FAM107B: variants seen among roughly 807,000 people sequenced by gnomAD.
FAM107B encodes protein FAM107B.
FAM107B carries 21 observed loss-of-function variants against 31.5 expected under a neutral mutation model. That is an observed-to-expected ratio of 0.67 (90% CI 0.47 to 0.96). The LOEUF is 0.96. Ranked by LOEUF, FAM107B falls within the 40% of genes least tolerant of loss-of-function variation. FAM107B has a pLI of 0.00. For synonymous variants in FAM107B, 157 were observed against 141.5 expected, an observed-to-expected ratio of 1.11 and a Z score of -0.78; for missense variants, 452 against 377.1, an observed-to-expected ratio of 1.20 and a Z score of -1.64.
chr10:14,671,926 A>T (rs928516344), intron 1 of FAM107B, among the ~76,000 whole-genome samples: 8 of 151,302 alleles, frequency 5.3e-5, no homozygotes, highest in African/African-American at 1.9e-4. Flanking sequence ...TTTTAAATCA[A>T]ACTGATTCCT....
intron 1 of FAM107B, among the ~76,000 whole-genome samples, chr10:14,674,951 G>C (rs114959440): frequency 0.034 from 5,171 of 152,016 alleles, 278 homozygotes; most frequent in African/African-American, 0.12. Flanking sequence ...GTTGTGCTCC[G>C]AAAGTGCTGG....
chr10:14,525,108 T>C (rs1846080019), intron 3 of FAM107B, among the ~76,000 whole-genome samples: 1 of 152,206 alleles, frequency 6.6e-6, no homozygotes, highest in Non-Finnish European at 1.5e-5. Flanking sequence ...ATGCAAAAAG[T>C]CAAGCATTGC....
chr10:14,712,492 G>A (rs765657744), intron 1 of FAM107B, among the ~76,000 whole-genome samples: 2 of 151,350 alleles, frequency 1.3e-5, no homozygotes, highest in Non-Finnish European at 2.9e-5. Context: ...TACTAGGGAG[G>A]CTGAGGCAGG....
At chr10:14,713,551 T>C (rs561406021) in intron 1 of FAM107B, among the ~76,000 whole-genome samples, 113 of 152,274 alleles carry the variant, frequency 7.4e-4, no homozygotes, top group African/African-American at 2.6e-3. Flanking sequence ...CTTTTCCCTA[T>C]TGTGCACCAA....
chr10:14,567,891 C>T (rs868408620), intron 2 of FAM107B, among the ~76,000 whole-genome samples: 12 of 152,148 alleles, frequency 7.9e-5, no homozygotes, highest in African/African-American at 2.2e-4. Flanking sequence ...GAAAGTCCTG[C>T]GTCCTGTGAA....
At chr10:14,584,763 C>A (rs961478466) in intron 2 of FAM107B, among the ~76,000 whole-genome samples, 1 of 152,142 alleles carries the variant, frequency 6.6e-6, no homozygotes, top group Non-Finnish European at 1.5e-5. Context: ...AACAAAAGGA[C>A]CGGAGGCCAC....
intron 2 of FAM107B, among the ~76,000 whole-genome samples, chr10:14,617,068 G>A (rs116819281): frequency 3.5e-4 from 54 of 152,162 alleles, no homozygotes; most frequent in African/African-American, 1.1e-3. Context: ...AAAGAGAACC[G>A]AGAGGAAGAG....
At position 14,774,793 on chromosome 10, in the gene FAM107B, T is replaced by A; in HGVS notation, c.-130A>T. ...AGAAGAACTTGCTAGTGGTTGCCCC[T>A]AAATAGAAGTTGGGATGGCAAGGCC... On this transcript the variant is annotated 5_prime_UTR_variant, in exon 1 of 5. Transcript: ENST00000181796. 2 of 1,080,354 alleles carry A rather than the reference T, an allele frequency of 1.9e-6. No homozygotes were observed. Among genetic ancestry groups the A allele is most frequent in the Non-Finnish European group, 2.6e-6 (2 of 768,776 alleles). 66.9% of individuals were successfully genotyped at this position (1,080,354 alleles called of 1,614,324 possible).
intron 2 of FAM107B, among the ~76,000 whole-genome samples, chr10:14,626,497 A>AT: frequency 1.0e-5 from 1 of 100,470 alleles, no homozygotes; most frequent in Non-Finnish European, 2.0e-5. Context: ...TTTGAGGCGG[A>AT]TCTTTTTTTT....
In FAM107B at chr10:14,555,419, T is replaced by C. The variant is rs551362135; in HGVS notation, c.470-24904A>G. On this transcript the variant is annotated intron_variant, in intron 2 of 4. Transcript: ENST00000181796. ...TTTTAATTAAGTAGTGATGACATTATGAACTTGGAATCATACTCCCACTGA... is the reference window on the plus strand; with the variant it reads ...TTTTAATTAAGTAGTGATGACATTACGAACTTGGAATCATACTCCCACTGA... Among the ~76,000 whole-genome samples, 40 of 152,350 alleles carry C rather than the reference T, an allele frequency of 2.6e-4. 1 individual carries two copies. The highest frequency in any genetic ancestry group is 1.4e-3 in the South Asian group (7 of 4,830).
intron 2 of FAM107B, among the ~76,000 whole-genome samples, chr10:14,543,630 A>T (rs984627931): frequency 1.7e-4 from 26 of 152,026 alleles, no homozygotes; most frequent in Non-Finnish European, 3.2e-4. Context: ...GCACTTCCAG[A>T]AAAAAGAAAC....
chr10:14,637,053 G>A (rs10906723), intron 2 of FAM107B, among the ~76,000 whole-genome samples: 131,674 of 152,168 alleles, frequency 0.87, 57,283 homozygotes, highest in East Asian at 0.95. Context: ...CATGCACTGT[G>A]TAAGCTGTGA....
intron 2 of FAM107B, among the ~76,000 whole-genome samples, chr10:14,634,608 A>G (rs890250928): frequency 6.6e-6 from 1 of 152,136 alleles, no homozygotes; most frequent in Non-Finnish European, 1.5e-5. Flanking sequence ...AAAAAAGAAA[A>G]AAAACCCCAA....
chr10:14,691,327 T>C (rs1355102481), intron 1 of FAM107B, among the ~76,000 whole-genome samples: 2 of 152,164 alleles, frequency 1.3e-5, no homozygotes, highest in East Asian at 1.9e-4. Context: ...GCAGAGTCCA[T>C]GTCTCCAAAA....
chr10:14,612,084 T>C (rs966214219), intron 2 of FAM107B, among the ~76,000 whole-genome samples: 5 of 152,040 alleles, frequency 3.3e-5, no homozygotes, highest in Middle Eastern at 3.4e-3. Context: ...AAGAGAGAGC[T>C]GTGTGATCCA....
intron 2 of FAM107B, among the ~76,000 whole-genome samples, chr10:14,566,798 T>G (rs189484837): frequency 1.3e-4 from 20 of 152,300 alleles, no homozygotes; most frequent in African/African-American, 4.8e-4. Context: ...TGTCGTAAGA[T>G]AGGAGAGACC....
chr10:14,721,031 T>A (rs992317386), intron 1 of FAM107B, among the ~76,000 whole-genome samples: 11 of 152,090 alleles, frequency 7.2e-5, no homozygotes, highest in African/African-American at 2.4e-4. Flanking sequence ...TGTGTGACGT[T>A]CCCCGCCCCG....
intron 1 of FAM107B, among the ~76,000 whole-genome samples, chr10:14,672,552 G>A (rs573103114): frequency 6.6e-6 from 1 of 152,172 alleles, no homozygotes; most frequent in East Asian, 1.9e-4. Context: ...CATAGAAAAG[G>A]TACAGTAAAA....
chr10:14,542,269 CAAA>C lies in FAM107B; in HGVS notation c.470-11757_470-11755del, dbSNP rs147609287. On this transcript the variant is annotated intron_variant, in intron 2 of 4. Coordinates refer to ENST00000181796, the MANE Select transcript of FAM107B (RefSeq NM_031453.4). The stretch of plus-strand genomic sequence containing the variant: ...TGGGCAATGCAGTGAGACTCCATCT[CAAA>C]AAAAAAAAAAAAAAAAAGTATTGAA... Among the ~76,000 whole-genome samples the C allele has an allele frequency of 5.8e-3, 324 of 55,966 alleles. 1 individual carries two copies. The highest frequency in any genetic ancestry group is 0.021 in the African/African-American group (304 of 14,308). The allele number at this position is 55,966 out of a possible 152,430, so 36.7% of individuals were successfully genotyped here.
Sources: gnomAD v4.1 joint callset for allele counts (sites outside exome capture counted in the v4.1 genomes callset) on GRCh38, gnomAD v4.1.1 for gene constraint, MANE v1.5 for transcripts, NCBI Gene and HGNC (gene_info 2026-07-23, HGNC 2026-07-21) for gene names.